The following STAG1 variants were observed in gnomAD, a reference collection of about 807,000 sequenced individuals.
STAG1 encodes the protein cohesin subunit SA-1.
STAG1 carries 26 observed loss-of-function variants against 170.9 expected under a neutral mutation model. The ratio of observed to expected loss-of-function variants is 0.15; its 90% confidence interval spans 0.11 to 0.21. The LOEUF (loss-of-function observed/expected upper bound fraction) is 0.21. Ranked by LOEUF, STAG1 falls within the 10% of genes least tolerant of loss-of-function variation. STAG1 has a pLI of 1.00. For missense variants in STAG1, 964 were observed against 1,509.5 expected (o/e 0.64, Z 5.99); for synonymous variants, 514 against 497.7 (o/e 1.03, Z -0.44).
chr3:136,553,173 A>T (rs573900051), intron 5 of STAG1, among the ~76,000 whole-genome samples: 1 of 152,294 alleles, frequency 6.6e-6, no homozygotes, highest in East Asian at 1.9e-4. Context: ...TGAACAATAC[A>T]CTAACTGAAA....
At position 136,452,165 on chromosome 3, in the gene STAG1, G is replaced by A. The variant is rs1184966119; in HGVS notation, c.1314-18C>T. On this transcript the variant is annotated intron_variant, in intron 13 of 33. Transcript: ENST00000383202. ...TAAATAGCCTGGAAATGAAAAACAG[G>A]GCATTGCAAAGTTACATGAATATGA... The A allele has an allele frequency of 6.5e-7, 1 of 1,532,228 alleles. No homozygotes were observed. The highest frequency in any genetic ancestry group is 2.3e-5 in the East Asian group (1 of 44,288). 94.9% of individuals were successfully genotyped at this position (1,532,228 alleles called of 1,614,324 possible). A position where few individuals can be genotyped will look rare whatever the true frequency, so the allele number is the denominator to read the frequency against.
At chr3:136,724,116 T>C (rs577054192) in intron 1 of STAG1, among the ~76,000 whole-genome samples, 3 of 151,740 alleles carry the variant, frequency 2.0e-5, no homozygotes, top group African/African-American at 7.3e-5. Flanking sequence ...CAACAGCTCA[T>C]TGAGAACGGG....
chr3:136,622,146 A>G (rs1939889385), intron 3 of STAG1, among the ~76,000 whole-genome samples: 1 of 150,260 alleles, frequency 6.7e-6, no homozygotes, highest in African/African-American at 2.4e-5. Context: ...AAAAAAAAAA[A>G]AAAAAAAAAA....
intron 4 of STAG1, among the ~76,000 whole-genome samples, chr3:136,585,391 G>A (rs970256416): frequency 4.6e-5 from 7 of 152,058 alleles, no homozygotes; most frequent in South Asian, 2.1e-4. Flanking sequence ...GCAGTGAGCC[G>A]AGATCACGCC....
chr3:136,466,484 C>G (rs980916357), intron 12 of STAG1, among the ~76,000 whole-genome samples: 1 of 152,076 alleles, frequency 6.6e-6, no homozygotes, highest in African/African-American at 2.4e-5. Flanking sequence ...ACAAAGCCTC[C>G]AAGAAATATG....
intron 1 of STAG1, among the ~76,000 whole-genome samples, chr3:136,722,589 A>G (rs1933344995): frequency 1.3e-5 from 2 of 151,796 alleles, no homozygotes; most frequent in Admixed American, 6.6e-5. Context: ...CTGAGGGTTC[A>G]ATTAAGATTG....
chr3:136,403,761 G>A (rs1284941630), intron 21 of STAG1, among the ~76,000 whole-genome samples: 1 of 151,916 alleles, frequency 6.6e-6, no homozygotes, highest in Non-Finnish European at 1.5e-5. Context: ...AATATTTCAG[G>A]CTGTTTCATA....
At chr3:136,667,399 T>A (rs761237755) in intron 1 of STAG1, among the ~76,000 whole-genome samples, 5 of 148,158 alleles carry the variant, frequency 3.4e-5, no homozygotes, top group Admixed American at 6.7e-5. Context: ...AAAAGAAAGA[T>A]AGATAGATAG....
At chr3:136,544,597 T>C (rs1936066290) in intron 5 of STAG1, among the ~76,000 whole-genome samples, 1 of 151,872 alleles carries the variant, frequency 6.6e-6, no homozygotes, top group Non-Finnish European at 1.5e-5. Flanking sequence ...ACATCATCTC[T>C]ACTAAAAATA....
intron 13 of STAG1, among the ~76,000 whole-genome samples, chr3:136,457,936 A>C (rs971151064): frequency 5.9e-5 from 9 of 152,154 alleles, no homozygotes; most frequent in African/African-American, 2.2e-4. Flanking sequence ...GTCTCTACAA[A>C]AACAAAAAAC....
chr3:136,464,660 C>G (rs893353322), intron 13 of STAG1, among the ~76,000 whole-genome samples: 2 of 150,528 alleles, frequency 1.3e-5, no homozygotes, highest in African/African-American at 4.9e-5. Flanking sequence ...GAGAATCATC[C>G]TCTCAGATTT....
chr3:136,694,282 G>A (rs1331020580), intron 1 of STAG1, among the ~76,000 whole-genome samples: 1 of 152,262 alleles, frequency 6.6e-6, no homozygotes. Flanking sequence ...ACCACTGAGT[G>A]TTGGGCTGGT....
intron 15 of STAG1, among the ~76,000 whole-genome samples, chr3:136,437,463 A>T (rs1046171368): frequency 6.6e-6 from 1 of 152,226 alleles, no homozygotes; most frequent in African/African-American, 2.4e-5. Context: ...TGTTCATGGT[A>T]CAAACTGTCA....
intron 1 of STAG1, among the ~76,000 whole-genome samples, chr3:136,696,394 T>G (rs957505067): frequency 2.0e-5 from 3 of 152,174 alleles, no homozygotes; most frequent in African/African-American, 7.2e-5. Context: ...TTTGTATAAA[T>G]GATTTTCATA....
rs34952291 is a variant in STAG1 at position 136,405,791 on chromosome 3, C to CAAAAAA, written c.2197-6968_2197-6963dup. ...GGGTGACAGAATGAGACTCTATCTC[C>CAAAAAA]AAAAAAAAAAAAAAAAAAAAAAAAA... is the stretch of plus-strand genomic sequence containing the variant. On this transcript the variant is annotated intron_variant, in intron 21 of 33. Transcript: ENST00000383202. Among the ~76,000 whole-genome samples, 54 of 50,102 alleles carry CAAAAAA rather than the reference C, an allele frequency of 1.1e-3. 1 individual carries two copies. Among genetic ancestry groups the CAAAAAA allele is most frequent in the African/African-American group, 2.3e-3 (26 of 11,204 alleles). 32.9% of individuals were successfully genotyped at this position (50,102 alleles called of 152,430 possible). A position where few individuals can be genotyped will look rare whatever the true frequency, so the allele number is the denominator to read the frequency against.
intron 22 of STAG1, among the ~76,000 whole-genome samples, chr3:136,393,064 G>T (rs1047732993): frequency 7.9e-5 from 12 of 152,084 alleles, no homozygotes; most frequent in African/African-American, 2.4e-4. Flanking sequence ...TGGCTGGCTT[G>T]CTCCCTCACT....
At chr3:136,685,061 T>A (rs993930341) in intron 1 of STAG1, among the ~76,000 whole-genome samples, 1 of 152,120 alleles carries the variant, frequency 6.6e-6, no homozygotes, top group African/African-American at 2.4e-5. Flanking sequence ...ACGCCTGTAA[T>A]CCCAGCACTT....
At chr3:136,488,711 A>G (rs1382177105) in intron 9 of STAG1, among the ~76,000 whole-genome samples, 1 of 152,152 alleles carries the variant, frequency 6.6e-6, no homozygotes, top group Non-Finnish European at 1.5e-5. Flanking sequence ...TTATTATTAT[A>G]TATTTGCTTT....
At chr3:136,345,153 G>A (rs750365011) in intron 29 of STAG1, among the ~76,000 whole-genome samples, 1 of 152,010 alleles carries the variant, frequency 6.6e-6, no homozygotes, top group Non-Finnish European at 1.5e-5. Context: ...ACAGTGGCAC[G>A]ATCTTGGCTC....
Sources: allele counts gnomAD v4.1 joint callset (sites outside exome capture counted in the v4.1 genomes callset), GRCh38; gene constraint gnomAD v4.1.1; transcripts MANE v1.5; gene names NCBI Gene and HGNC (gene_info 2026-07-23, HGNC 2026-07-21).